Variants in FAM117A observed in about 807,000 individuals in gnomAD.
FAM117A encodes the protein family with sequence similarity 117 member A, also known as protein FAM117A.
Under a neutral mutation model 44.1 loss-of-function variants are expected in FAM117A, and 21 were observed. That is an observed-to-expected ratio of 0.48 (90% CI 0.34 to 0.69). FAM117A has a LOEUF of 0.69. FAM117A is among the 30% of genes least tolerant of loss of function. The probability of loss-of-function intolerance (pLI) is 0.01; values close to 1 mark genes in which losing one functional copy is unlikely to be tolerated. For synonymous variants in FAM117A, 220 were observed against 238.3 expected, an observed-to-expected ratio of 0.92 and a Z score of 0.71; for missense variants, 498 against 589.9, an observed-to-expected ratio of 0.84 and a Z score of 1.61.
exon 1 of FAM117A, chr17:49,788,506 A>C (rs878881723): frequency 3.1e-6 from 1 of 325,062 alleles, no homozygotes; most frequent in South Asian, 8.9e-5. Flanking sequence ...CGTAACTAAA[A>C]ATGGTTGGCT....
At chr17:49,752,973 C>G (rs947046784) in intron 1 of FAM117A, among the ~76,000 whole-genome samples, 2 of 152,078 alleles carry the variant, frequency 1.3e-5, no homozygotes. Context: ...AGTGATTCCC[C>G]TACCTTAGCC....
At chr17:49,734,269 G>A (rs2073600519) in intron 1 of FAM117A, among the ~76,000 whole-genome samples, 1 of 151,966 alleles carries the variant, frequency 6.6e-6, no homozygotes. Context: ...GGAGCTGTAG[G>A]TATAAATAAA....
At chr17:49,764,561 A>C (rs1175867711), upstream of FAM117A, among the ~76,000 whole-genome samples, 1 of 152,230 alleles carries the variant, frequency 6.6e-6, no homozygotes, top group East Asian at 1.9e-4. Flanking sequence ...AGTAGGGAGC[A>C]GTGTCAAACT....
chr17:49,778,805 TGGGG>T (rs956401671), intron 1 of FAM117A, among the ~76,000 whole-genome samples: 1 of 152,136 alleles, frequency 6.6e-6, no homozygotes, highest in African/African-American at 2.4e-5. Context: ...GGGTGTGTGT[TGGGG>T]AGACAGAAAG....
At chr17:49,785,804 G>A (rs2073803962) in intron 1 of FAM117A, among the ~76,000 whole-genome samples, 1 of 152,138 alleles carries the variant, frequency 6.6e-6, no homozygotes. Context: ...AAGATTTTCT[G>A]AAAAAATAAA....
chr17:49,720,289 G>A (rs764947848), intron 4 of FAM117A, 37 bp downstream of exon 4: 13 of 1,540,736 alleles, frequency 8.4e-6, no homozygotes, highest in African/African-American at 5.4e-5. Flanking sequence ...CTGCATGGAG[G>A]AGAACAGAGG....
intron 1 of FAM117A, among the ~76,000 whole-genome samples, chr17:49,781,035 T>G (rs1176664775): frequency 6.6e-6 from 1 of 151,906 alleles, no homozygotes; most frequent in East Asian, 1.9e-4. Context: ...TTCACCATAT[T>G]GGCCATGCTG....
intron 2 of FAM117A, among the ~76,000 whole-genome samples, chr17:49,724,822 G>GAAAA (rs906558600): frequency 8.8e-4 from 36 of 40,848 alleles, no homozygotes; most frequent in East Asian, 2.1e-3. Flanking sequence ...ACAGTCTCAA[G>GAAAA]AAAAAAAAAA....
chr17:49,774,363 C>CTTT (rs71146936), intron 1 of FAM117A, among the ~76,000 whole-genome samples: 3 of 144,230 alleles, frequency 2.1e-5, no homozygotes, highest in Admixed American at 6.9e-5. Context: ...CCAGGCTGGT[C>CTTT]TTTTTTTTTT....
chr17:49,729,631 G>A (rs757674705), intron 2 of FAM117A, among the ~76,000 whole-genome samples: 15 of 151,036 alleles, frequency 9.9e-5, no homozygotes, highest in Admixed American at 5.3e-4. Flanking sequence ...TCAGTCTCCC[G>A]AGTAGCTGGG....
intron 3 of FAM117A, among the ~76,000 whole-genome samples, chr17:49,721,560 T>C (rs1283862448): frequency 3.9e-5 from 6 of 152,236 alleles, no homozygotes; most frequent in African/African-American, 1.2e-4. Context: ...CTCATTGTTC[T>C]CAGCAATAGA....
chr17:49,718,451 G>A (rs1410022540), intron 5 of FAM117A, among the ~76,000 whole-genome samples: 2 of 151,982 alleles, frequency 1.3e-5, no homozygotes, highest in South Asian at 2.1e-4. Flanking sequence ...GGCGGATCAC[G>A]AGGTCGGGAT....
chr17:49,715,549 T>C (rs1015138264), intron 7 of FAM117A, among the ~76,000 whole-genome samples: 4 of 152,074 alleles, frequency 2.6e-5, no homozygotes, highest in Non-Finnish European at 4.4e-5. Context: ...GGGAGGAAAG[T>C]GTAAAGAATC....
chr17:49,719,367 C>T (rs959970526), intron 5 of FAM117A, among the ~76,000 whole-genome samples: 7 of 152,072 alleles, frequency 4.6e-5, no homozygotes, highest in African/African-American at 1.7e-4. Flanking sequence ...ATGAAGGAGG[C>T]ATGCGTGTTA....
chr17:49,783,870 C>G (rs971510972), intron 1 of FAM117A, among the ~76,000 whole-genome samples: 1 of 152,198 alleles, frequency 6.6e-6, no homozygotes, highest in Admixed American at 6.5e-5. Context: ...AAATGGCTAT[C>G]CCTAACCCCT....
intron 1 of FAM117A, among the ~76,000 whole-genome samples, chr17:49,785,493 A>G (rs911269846): frequency 9.2e-5 from 14 of 152,218 alleles, no homozygotes; most frequent in Non-Finnish European, 1.8e-4. Flanking sequence ...ACTGGGTGAC[A>G]AGAGTGAGAC....
chr17:49,729,337 AG>A (rs2073574400), intron 2 of FAM117A, among the ~76,000 whole-genome samples: 1 of 152,158 alleles, frequency 6.6e-6, no homozygotes, highest in Non-Finnish European at 1.5e-5. Flanking sequence ...GAGGGAGGTT[AG>A]GCAAGTAGGA....
At chr17:49,779,756 T>C (rs2073784624) in intron 1 of FAM117A, among the ~76,000 whole-genome samples, 1 of 152,206 alleles carries the variant, frequency 6.6e-6, no homozygotes. Flanking sequence ...ATATCCTTGA[T>C]AGTTTTCCAG....
At chr17:49,786,428 C>T (rs1484438823) in intron 1 of FAM117A, among the ~76,000 whole-genome samples, 2 of 152,202 alleles carry the variant, frequency 1.3e-5, no homozygotes, top group Non-Finnish European at 2.9e-5. Flanking sequence ...TAATGATATT[C>T]TTACTGAGTA....
Sources: allele counts gnomAD v4.1 joint callset (sites outside exome capture counted in the v4.1 genomes callset), GRCh38; gene constraint gnomAD v4.1.1; transcripts MANE v1.5; gene names NCBI Gene and HGNC (gene_info 2026-07-23, HGNC 2026-07-21).